The following NFASC variants were observed in gnomAD, a reference collection of about 807,000 sequenced individuals.
NFASC encodes neurofascin homolog.
Under a neutral mutation model 147.5 loss-of-function variants are expected in NFASC, and 43 were observed. The observed-to-expected ratio is 0.29, with a 90% confidence interval of 0.23 to 0.38. The LOEUF is 0.38. Among genes scored for constraint, NFASC ranks in the 10% least tolerant of loss-of-function variants. The probability of loss-of-function intolerance (pLI) is 1.00; values close to 1 mark genes in which losing one functional copy is unlikely to be tolerated. For synonymous variants in NFASC, 622 were observed against 665.5 expected, an observed-to-expected ratio of 0.93 and a Z score of 1.01; for missense variants, 1,320 against 1,689.0, an observed-to-expected ratio of 0.78 and a Z score of 3.83.
At chr1:204,911,790 T>G (rs2087579584) in intron 1 of NFASC, among the ~76,000 whole-genome samples, 1 of 152,180 alleles carries the variant, frequency 6.6e-6, no homozygotes, top group Non-Finnish European at 1.5e-5. Flanking sequence ...TTTAAATTAT[T>G]AATTTCATTT....
At chr1:204,971,382 C>G (rs1220163865) in intron 11 of NFASC, among the ~76,000 whole-genome samples, 1 of 152,148 alleles carries the variant, frequency 6.6e-6, no homozygotes, top group Non-Finnish European at 1.5e-5. Context: ...ACATCATAGA[C>G]TCTCTGGTTG....
At position 204,997,294 on chromosome 1, in the gene NFASC, C is replaced by G; in HGVS notation, c.2907C>G (p.Thr969=). ...CCATCATCCCAACTGTCGCACCTACCACCATCGCCACCACCACCACCGTCG... is the reference window on the plus strand; with the variant it reads ...CCATCATCCCAACTGTCGCACCTACGACCATCGCCACCACCACCACCGTCG... ...TVPIIPTVAP[T]TIATTTTVAT... is the part of the protein sequence containing the mutation. The change falls in exon 25 of 30, where the codon ACC becomes ACG. Residue 969 remains threonine, a synonymous_variant. Transcript: ENST00000339876. The G allele has an allele frequency of 6.2e-7, 1 of 1,605,072 alleles. No individual in the cohort carries two copies. Among genetic ancestry groups the G allele is most frequent in the South Asian group, 1.1e-5 (1 of 90,162 alleles).
chr1:204,852,495 G>C (rs1486069838), intron 1 of NFASC, among the ~76,000 whole-genome samples: 1 of 152,154 alleles, frequency 6.6e-6, no homozygotes, highest in Non-Finnish European at 1.5e-5. Context: ...GTGAAACTCC[G>C]TCTGAAAAAC....
intron 24 of NFASC, among the ~76,000 whole-genome samples, chr1:204,994,629 A>G (rs1330910602): frequency 1.3e-5 from 2 of 152,148 alleles, no homozygotes; most frequent in East Asian, 3.9e-4. Context: ...GTGATGATTC[A>G]GGTTAAAAGG....
chr1:204,894,230 G>A (rs2082968064), intron 1 of NFASC, among the ~76,000 whole-genome samples: 1 of 152,194 alleles, frequency 6.6e-6, no homozygotes, highest in Non-Finnish European at 1.5e-5. Flanking sequence ...TGCCTCATTG[G>A]CCAACTTGGC....
intron 26 of NFASC, among the ~76,000 whole-genome samples, chr1:205,001,744 A>G (rs1202632324): frequency 6.6e-6 from 1 of 152,172 alleles, no homozygotes; most frequent in South Asian, 2.1e-4. Context: ...GACCAGAGCC[A>G]TTTGTCCCAG....
intron 8 of NFASC, among the ~76,000 whole-genome samples, chr1:204,964,046 G>A (rs1019514978): frequency 7.9e-5 from 12 of 152,214 alleles, no homozygotes; most frequent in East Asian, 1.9e-4. Flanking sequence ...GTAACTTGCC[G>A]CTTAGGATTC....
At chr1:204,853,300 C>T (rs1352065685) in intron 1 of NFASC, among the ~76,000 whole-genome samples, 2 of 152,186 alleles carry the variant, frequency 1.3e-5, no homozygotes, top group Non-Finnish European at 2.9e-5. Flanking sequence ...ACATTTGCTG[C>T]AGATAATTGA....
In NFASC at chr1:204,986,440, G is replaced by A. The variant is rs560410408; in HGVS notation, c.2471-978G>A. Among the ~76,000 whole-genome samples, 2 of 152,358 alleles carry A rather than the reference G, an allele frequency of 1.3e-5. No individual in the cohort carries two copies. Among genetic ancestry groups the A allele is most frequent in the Admixed American group, 6.5e-5 (1 of 15,306 alleles). ...CACCTTCCGAGGCAGAAGGCAGCAC[G>A]TCCATCCTGACTGCCTGGAACCATC... On this transcript the variant is annotated intron_variant, in intron 21 of 29. Transcript: ENST00000339876. The surrounding 1 kb of genome is among the most constrained non-coding windows in gnomAD (Gnocchi z 4.2).
intron 1 of NFASC, among the ~76,000 whole-genome samples, chr1:204,844,462 C>T (rs566896068): frequency 5.3e-5 from 8 of 152,256 alleles, no homozygotes; most frequent in South Asian, 2.1e-4. Flanking sequence ...CTTAATTGTA[C>T]GCTAGATACT....
Position 205,014,114 on chromosome 1 carries a change from G to A in NFASC, c.3491+1248G>A, listed in dbSNP as rs115452948. On this transcript the variant is annotated intron_variant, in intron 29 of 29. Coordinates refer to ENST00000339876, the MANE Select transcript of NFASC (RefSeq NM_001005388.3). ...AGACTCTTGGTGCAGCCAGAGAGGA[G>A]GAGCTTGGACCTCCTCCAATACAAG... is the stretch of plus-strand genomic sequence containing the variant. Among the ~76,000 whole-genome samples, 1,324 of 152,314 alleles carry A rather than the reference G, an allele frequency of 8.7e-3. 19 individuals carry two copies. The highest frequency in any genetic ancestry group is 0.031 in the African/African-American group (1,270 of 41,570).
At chr1:204,970,548 A>C in intron 10 of NFASC, 68 bp from the exon 11 acceptor site, 2 of 1,587,544 alleles carry the variant, frequency 1.3e-6, no homozygotes, top group South Asian at 2.2e-5. Context: ...CTAGAGGGAG[A>C]CTGCTTGGTT....
At chr1:204,997,691 C>G (rs375223963) in intron 25 of NFASC, 30 of 524,952 alleles carry the variant, frequency 5.7e-5, no homozygotes, top group African/African-American at 5.0e-4. Context: ...CCTTAACAGA[C>G]GGCCAAGCTC....
At chr1:204,881,968 GT>G (rs1558565442) in intron 1 of NFASC, among the ~76,000 whole-genome samples, 1 of 152,046 alleles carries the variant, frequency 6.6e-6, no homozygotes, top group East Asian at 1.9e-4. Flanking sequence ...TGTTCGGTCT[GT>G]TTAGCCAGAA....
intron 4 of NFASC, among the ~76,000 whole-genome samples, chr1:204,951,485 T>G (rs1250535017): frequency 2.8e-4 from 42 of 148,006 alleles, no homozygotes; most frequent in Non-Finnish European, 4.5e-4. Flanking sequence ...TTTTTTTTTT[T>G]TAAAACAGAA....
At chr1:204,914,597 G>A (rs543948558) in intron 1 of NFASC, among the ~76,000 whole-genome samples, 2 of 152,272 alleles carry the variant, frequency 1.3e-5, no homozygotes, top group African/African-American at 2.4e-5. Context: ...ACAGTAAAAC[G>A]AAAATACTCA....
chr1:204,961,545 G>A (rs768997372), intron 8 of NFASC, among the ~76,000 whole-genome samples: 6 of 152,276 alleles, frequency 3.9e-5, no homozygotes, highest in Non-Finnish European at 8.8e-5. Context: ...AGTGACACAT[G>A]TTGCTGGGTG....
At chr1:204,877,802 T>C (rs1014056731) in intron 1 of NFASC, among the ~76,000 whole-genome samples, 2 of 152,208 alleles carry the variant, frequency 1.3e-5, no homozygotes, top group African/African-American at 2.4e-5. Flanking sequence ...GTCATTATGG[T>C]ATTTGAGTGC....
intron 3 of NFASC, chr1:204,946,344 G>C: frequency 2.0e-6 from 1 of 512,580 alleles, no homozygotes; most frequent in Admixed American, 2.0e-5. Context: ...TCCTTAGCCT[G>C]CGGGTTAGAG....
Sources: gnomAD v4.1 joint callset for allele counts (sites outside exome capture counted in the v4.1 genomes callset) on GRCh38, gnomAD v4.1.1 for gene constraint, Gnocchi (gnomAD v3.1) non-coding constraint, MANE v1.5 for transcripts, NCBI Gene and HGNC (gene_info 2026-07-23, HGNC 2026-07-21) for gene names.